CSMD1: variants seen among roughly 807,000 people sequenced by gnomAD.
The protein encoded by CSMD1 is CUB and Sushi multiple domains 1, also known as CUB and sushi domain-containing protein 1.
In CSMD1, 213 loss-of-function variants were observed where a neutral mutation model predicts 417.5. The ratio of observed to expected loss-of-function variants is 0.51; its 90% CI spans 0.46 to 0.57. The LOEUF (loss-of-function observed/expected upper bound fraction) is 0.57. CSMD1 is among the 20% of genes least tolerant of loss of function. CSMD1 has a pLI of 0.00. For missense variants in CSMD1, 6,923 were observed against 4,529.7 expected (o/e 1.53, Z -15.17); for synonymous variants, 2,862 against 1,736.8 (o/e 1.65, Z -16.11).
At chr8:4,429,578 T>C (rs1285779613) in intron 2 of CSMD1, among the ~76,000 whole-genome samples, 1 of 152,140 alleles carries the variant, frequency 6.6e-6, no homozygotes, top group Non-Finnish European at 1.5e-5. Context: ...TGGTCCATAC[T>C]GATTTAGGAG....
intron 2 of CSMD1, among the ~76,000 whole-genome samples, chr8:4,450,059 G>A (rs1040307292): frequency 7.9e-5 from 12 of 151,968 alleles, no homozygotes; most frequent in African/African-American, 1.9e-4. Context: ...CTTTTCTCCC[G>A]GACCAAGGAC....
chr8:3,878,027 T>C (rs1172108570), intron 5 of CSMD1, among the ~76,000 whole-genome samples: 2 of 152,134 alleles, frequency 1.3e-5, no homozygotes, highest in Admixed American at 1.3e-4. Context: ...TAAAATGATT[T>C]ATTAGTACCT....
intron 3 of CSMD1, among the ~76,000 whole-genome samples, chr8:4,108,024 G>GGA (rs376922802): frequency 0.017 from 2,609 of 150,362 alleles, 84 homozygotes; most frequent in African/African-American, 0.061. Context: ...AGACTGCAGG[G>GGA]GAGAGAGAGA....
At chr8:3,209,339 C>A (rs944618417) in intron 30 of CSMD1, among the ~76,000 whole-genome samples, 1 of 151,848 alleles carries the variant, frequency 6.6e-6, no homozygotes, top group Non-Finnish European at 1.5e-5. Context: ...ATTTTTGAGA[C>A]AGAGTCTTGC....
At chr8:3,379,353 C>T (rs923192202) in intron 18 of CSMD1, among the ~76,000 whole-genome samples, 7 of 152,180 alleles carry the variant, frequency 4.6e-5, no homozygotes, top group Admixed American at 3.3e-4. Flanking sequence ...TTGCTATCCC[C>T]ATCAAGCTAC....
intron 2 of CSMD1, among the ~76,000 whole-genome samples, chr8:4,470,046 A>G (rs1267982238): frequency 6.6e-6 from 1 of 151,310 alleles, no homozygotes; most frequent in Non-Finnish European, 1.5e-5. Flanking sequence ...TTCTTTTTGT[A>G]TTTTTAGTAG....
intron 5 of CSMD1, among the ~76,000 whole-genome samples, chr8:3,989,463 G>A (rs909038394): frequency 6.6e-6 from 1 of 152,160 alleles, no homozygotes; most frequent in Non-Finnish European, 1.5e-5. Flanking sequence ...ACGAGTTGTG[G>A]TAACACAGAC....
intron 26 of CSMD1, among the ~76,000 whole-genome samples, chr8:3,250,508 G>A (rs935897940): frequency 1.1e-4 from 16 of 152,220 alleles, no homozygotes; most frequent in South Asian, 2.1e-4. Flanking sequence ...GAATAGTGCC[G>A]CAATAAACAT....
intron 1 of CSMD1, among the ~76,000 whole-genome samples, chr8:4,847,149 T>C (rs1377017657): frequency 2.0e-5 from 3 of 152,242 alleles, no homozygotes; most frequent in African/African-American, 7.2e-5. Context: ...TGTTTCTGAA[T>C]GCCACTCTCT....
intron 3 of CSMD1, among the ~76,000 whole-genome samples, chr8:4,325,609 T>A (rs1047589516): frequency 6.6e-6 from 1 of 152,170 alleles, no homozygotes. Flanking sequence ...CAGGGCAACA[T>A]GAAAGCATCT....
At chr8:4,269,971 C>A (rs1342501578) in intron 3 of CSMD1, among the ~76,000 whole-genome samples, 2 of 152,126 alleles carry the variant, frequency 1.3e-5, no homozygotes, top group African/African-American at 4.8e-5. Context: ...TGAGGCACAG[C>A]AAAATGTTGA....
At position 4,238,790 on chromosome 8, in the gene CSMD1, G is replaced by A. The variant is rs189206537; in HGVS notation, c.415+181163C>T. ...TTCCCAGTTGGGTAAAGAAGACTTA[G>A]GCAGTAACTTTTGTAAATGCTTTGG... is the stretch of plus-strand genomic sequence containing the variant. On this transcript the variant is annotated intron_variant, in intron 3 of 69. Transcript: ENST00000635120. 9.5e-4 allele frequency among the ~76,000 whole-genome samples: 145 copies of A among 152,246 alleles called. 1 individual carries two copies. The highest frequency in any genetic ancestry group is 3.2e-3 in the African/African-American group (132 of 41,562).
intron 10 of CSMD1, among the ~76,000 whole-genome samples, chr8:3,558,962 G>A (rs1479826785): frequency 3.9e-5 from 6 of 152,164 alleles, no homozygotes; most frequent in African/African-American, 1.4e-4. Flanking sequence ...TATGACGGCA[G>A]AATTGGAATG....
chr8:4,847,511 T>A (rs1801209601), intron 1 of CSMD1, among the ~76,000 whole-genome samples: 1 of 152,224 alleles, frequency 6.6e-6, no homozygotes, highest in Non-Finnish European at 1.5e-5. Flanking sequence ...GTTAAATTAG[T>A]GTCATACACT....
At chr8:2,975,927 T>C (rs1585080202) in intron 55 of CSMD1, among the ~76,000 whole-genome samples, 1 of 151,930 alleles carries the variant, frequency 6.6e-6, no homozygotes, top group Admixed American at 6.6e-5. Flanking sequence ...CAAAACCAAA[T>C]GGAAGTCTCA....
chr8:4,312,077 G>A (rs79031253), intron 3 of CSMD1, among the ~76,000 whole-genome samples: 13 of 152,024 alleles, frequency 8.6e-5, no homozygotes, highest in Admixed American at 8.5e-4. Flanking sequence ...TACGTAGAAT[G>A]TGTGTCAATT....
chr8:3,689,110 G>A (rs892926340), intron 7 of CSMD1, among the ~76,000 whole-genome samples: 1 of 152,170 alleles, frequency 6.6e-6, no homozygotes, highest in Non-Finnish European at 1.5e-5. Context: ...AAAAATAACA[G>A]CAACCAAACA....
At chr8:4,761,255 C>G (rs1270356243) in intron 1 of CSMD1, among the ~76,000 whole-genome samples, 1 of 152,016 alleles carries the variant, frequency 6.6e-6, no homozygotes, top group Non-Finnish European at 1.5e-5. Flanking sequence ...AAAGTGGGCT[C>G]TTCAGAACAG....
At chr8:3,949,424 T>C (rs898587340) in intron 5 of CSMD1, among the ~76,000 whole-genome samples, 8 of 152,138 alleles carry the variant, frequency 5.3e-5, no homozygotes, top group African/African-American at 1.9e-4. Flanking sequence ...ATGGATGAGG[T>C]ATATAGAAGC....
Sources: gnomAD v4.1 joint callset for allele counts (sites outside exome capture counted in the v4.1 genomes callset) on GRCh38, gnomAD v4.1.1 for gene constraint, MANE v1.5 for transcripts, NCBI Gene and HGNC (gene_info 2026-07-23, HGNC 2026-07-21) for gene names.